The following TENM2 variants were observed in gnomAD, a reference collection of about 807,000 sequenced individuals.
TENM2 encodes the protein teneurin transmembrane protein 2.
TENM2 carries 52 observed loss-of-function variants against 245.2 expected under a neutral mutation model. The ratio of observed to expected loss-of-function variants is 0.21; its 90% CI spans 0.17 to 0.27. The LOEUF (loss-of-function observed/expected upper bound fraction) is 0.27. TENM2 is among the 10% of genes least tolerant of loss of function. The pLI is 1.00. For missense variants in TENM2, 3,046 were observed against 3,666.8 expected (o/e 0.83, Z 4.37); for synonymous variants, 1,363 against 1,438.9 (o/e 0.95, Z 1.19).
intron 2 of TENM2, among the ~76,000 whole-genome samples, chr5:167,763,114 A>G (rs1185747936): frequency 6.6e-6 from 1 of 152,230 alleles, no homozygotes; most frequent in Non-Finnish European, 1.5e-5. Context: ...TCAAAGTCAC[A>G]AGAGTGTATT....
chr5:167,693,259 C>T (rs1052047714), intron 2 of TENM2, among the ~76,000 whole-genome samples: 5 of 152,170 alleles, frequency 3.3e-5, no homozygotes, highest in Non-Finnish European at 2.9e-5. Context: ...AGAAATCTGC[C>T]CCTATTGGTC....
chr5:167,948,009 A>G (rs1779772567), intron 3 of TENM2, among the ~76,000 whole-genome samples: 1 of 152,082 alleles, frequency 6.6e-6, no homozygotes, highest in Non-Finnish European at 1.5e-5. Flanking sequence ...AGTAGACCCA[A>G]CCTAAACACG....
chr5:167,752,179 C>G (rs1582913440), intron 2 of TENM2, among the ~76,000 whole-genome samples: 1 of 152,058 alleles, frequency 6.6e-6, no homozygotes, highest in African/African-American at 2.4e-5. Context: ...ACTGCAACCT[C>G]CACCTCCTGG....
chr5:167,752,974 C>T (rs1159092509), intron 2 of TENM2, among the ~76,000 whole-genome samples: 4 of 152,112 alleles, frequency 2.6e-5, no homozygotes, highest in African/African-American at 7.2e-5. Flanking sequence ...TATCTAGAAA[C>T]ACATTTTTTA....
chr5:168,118,989 G>A (rs145008796), intron 10 of TENM2, among the ~76,000 whole-genome samples: 53 of 152,214 alleles, frequency 3.5e-4, no homozygotes, highest in Non-Finnish European at 7.1e-4. Flanking sequence ...TATTGTTGTT[G>A]TTACTAACTC....
chr5:167,002,636 G>A, the TENM2 span, among the ~76,000 whole-genome samples: 1 of 151,310 alleles, frequency 6.6e-6, no homozygotes, highest in Non-Finnish European at 1.5e-5. Flanking sequence ...AGGACTCGGT[G>A]TCTGCAAAAA....
intron 4 of TENM2, among the ~76,000 whole-genome samples, chr5:167,978,714 T>C (rs954120313): frequency 6.6e-6 from 1 of 152,178 alleles, no homozygotes; most frequent in African/African-American, 2.4e-5. Flanking sequence ...GGAACTTAAA[T>C]AGAGGCAGAA....
intron 27 of TENM2, among the ~76,000 whole-genome samples, chr5:168,250,036 C>T (rs1046357081): frequency 6.6e-6 from 1 of 151,894 alleles, no homozygotes; most frequent in African/African-American, 2.4e-5. Context: ...GCAAGGAAAT[C>T]AGGATGGCTG....
At chr5:167,638,917 T>G (rs1252978674) in intron 2 of TENM2, among the ~76,000 whole-genome samples, 2 of 152,230 alleles carry the variant, frequency 1.3e-5, no homozygotes, top group Non-Finnish European at 2.9e-5. Flanking sequence ...CTCACATCAC[T>G]GGCACTGGGC....
intron 2 of TENM2, among the ~76,000 whole-genome samples, chr5:167,489,440 C>T (rs1768288087): frequency 6.6e-6 from 1 of 152,186 alleles, no homozygotes; most frequent in Admixed American, 6.5e-5. Flanking sequence ...CCACAAGGTT[C>T]ACTCCCACAC....
chr5:167,000,584 A>G, the TENM2 span, among the ~76,000 whole-genome samples: 1 of 152,180 alleles, frequency 6.6e-6, no homozygotes, highest in South Asian at 2.1e-4. Flanking sequence ...GTCATCATAT[A>G]GACTTGATTT....
At chr5:167,196,486 GTA>G in the TENM2 span, among the ~76,000 whole-genome samples, 355 of 144,214 alleles carry the variant, frequency 2.5e-3, 1 homozygote, top group Admixed American at 8.6e-3. Context: ...ATATATGTGT[GTA>G]TATATATATG....
intron 7 of TENM2, among the ~76,000 whole-genome samples, chr5:168,076,114 C>A (rs1255843745): frequency 6.6e-6 from 1 of 152,170 alleles, no homozygotes; most frequent in Non-Finnish European, 1.5e-5. Flanking sequence ...TATGTATATT[C>A]CACAATGCGT....
At chr5:167,103,948 C>T in the TENM2 span, among the ~76,000 whole-genome samples, 1 of 152,002 alleles carries the variant, frequency 6.6e-6, no homozygotes, top group Non-Finnish European at 1.5e-5. Flanking sequence ...CCACATTTCC[C>T]CCACCCTGGA....
intron 2 of TENM2, among the ~76,000 whole-genome samples, chr5:167,536,332 T>TA (rs1057408806): frequency 6.6e-5 from 10 of 152,142 alleles, no homozygotes; most frequent in African/African-American, 2.4e-4. Context: ...AGAAGTCAAG[T>TA]AAAATGCCTT....
intron 3 of TENM2, among the ~76,000 whole-genome samples, chr5:167,947,572 C>G (rs1779733061): frequency 6.6e-6 from 1 of 152,174 alleles, no homozygotes; most frequent in African/African-American, 2.4e-5. Context: ...AAAATCCTCA[C>G]CCCCAATTCC....
intron 2 of TENM2, among the ~76,000 whole-genome samples, chr5:167,797,581 A>G (rs902787032): frequency 2.0e-5 from 3 of 152,184 alleles, no homozygotes; most frequent in East Asian, 1.9e-4. Context: ...TTCTTTCGCA[A>G]TGTGTGTGGT....
the TENM2 span, among the ~76,000 whole-genome samples, chr5:167,066,874 C>T: frequency 8.1e-4 from 124 of 152,168 alleles, no homozygotes; most frequent in African/African-American, 2.9e-3. Flanking sequence ...GTATTCTAAG[C>T]TATTCAGTAA....
chr5:167,549,992 C>T (rs368484392), intron 2 of TENM2, among the ~76,000 whole-genome samples: 4 of 152,066 alleles, frequency 2.6e-5, no homozygotes, highest in Non-Finnish European at 5.9e-5. Flanking sequence ...TTTTGTGCTG[C>T]GATGTGGTGA....
Sources: gnomAD v4.1 joint callset for allele counts (sites outside exome capture counted in the v4.1 genomes callset) on GRCh38, gnomAD v4.1.1 for gene constraint, MANE v1.5 for transcripts, NCBI Gene and HGNC (gene_info 2026-07-23, HGNC 2026-07-21) for gene names.